MAGEA6: variants seen among roughly 807,000 people sequenced by gnomAD.
MAGEA6 encodes melanoma-associated antigen 6.
For synonymous variants in MAGEA6, 100 were observed against 98.8 expected (o/e 1.01, Z -0.07); for missense variants, 281 against 231.4 (o/e 1.21, Z -1.39).
Position 152,767,169 on chromosome X carries a change from A to G in MAGEA6, c.482T>C (p.Val161Ala). 1 of 1,210,821 alleles carries G rather than the reference A, an allele frequency of 8.3e-7. No homozygotes were observed. Among genetic ancestry groups the G allele is most frequent in the East Asian group, 3.0e-5 (1 of 33,784 alleles). Reference protein sequence around the residue: ...FSKASDSLQLVFGIELMEVDP... With the variant: ...FSKASDSLQLAFGIELMEVDP... Reference sequence around the variant, plus strand: ...CACTTCCATCAGCTCGATGCCAAAGACCAGCTGCAAGGAATCGGAAGCTTT... The same window carrying G: ...CACTTCCATCAGCTCGATGCCAAAGGCCAGCTGCAAGGAATCGGAAGCTTT... The change falls in exon 3 of 3, where the codon GTC becomes GCC. Residue 161 changes from valine to alanine, a missense_variant. Val to Ala is a moderately conservative substitution (Grantham distance 64). Coordinates refer to ENST00000329342, the MANE Select transcript of MAGEA6 (RefSeq NM_005363.5).
chrX:152,766,750 A>G lies in MAGEA6; in HGVS notation c.901T>C (p.Tyr301His), dbSNP rs1932728824. Residue 301 changes from tyrosine (Y) to histidine (H), a missense_variant, in exon 3 of 3, where the codon TAC (tyrosine) becomes CAC (histidine). Transcript: ENST00000329342. ...VKISGGPRIS[Y>H]PLLHEWALRE... ...AAAGCCCACTCATGCAGGAGTGGGTAGGAAATGCGAGGTCCTCCACTGATC... is the reference window on the plus strand; with the variant it reads ...AAAGCCCACTCATGCAGGAGTGGGTGGGAAATGCGAGGTCCTCCACTGATC... 1.7e-6 allele frequency: 2 copies of G among 1,210,482 alleles called. No individual in the cohort carries two copies. The highest frequency in any genetic ancestry group is 2.2e-6 in the Non-Finnish European group (2 of 894,621).
In MAGEA6 at chrX:152,766,953, C is replaced by T. The variant is rs1556826812; in HGVS notation, c.698G>A (p.Gly233Glu). The T allele has an allele frequency of 1.7e-6, 2 of 1,208,956 alleles. No individual in the cohort carries two copies. Among genetic ancestry groups the T allele is most frequent in the East Asian group, 5.9e-5 (2 of 33,704 alleles). The change falls in exon 3 of 3, where the codon GGG (glycine) becomes GAG (glutamate). Residue 233 changes from glycine (G) to glutamate (E), a missense_variant. Gly to Glu is a moderately conservative substitution (Grantham distance 98, BLOSUM62 -2). Transcript: ENST00000329342. ...EELSVLEVFE[G>E]REDSIFGDPK... ...ATCCCCGAAGATACTGTCTTCCCTC[C>T]CCTCAAACACCTCTAACACACTCAG...
chrX:152,766,735 C>G lies in MAGEA6; in HGVS notation c.916G>C (p.Glu306Gln). Residue 306 changes from glutamate to glutamine, a missense_variant, in exon 3 of 3, where the codon GAG (glutamate) becomes CAG (glutamine). By Grantham distance (29) the Glu-to-Gln change is conservative. Coordinates refer to ENST00000329342, the MANE Select transcript of MAGEA6 (RefSeq NM_005363.5). ...GPRISYPLLH[E>Q]WALREGEE ...TCTTCCCCCTCTCTCAAAGCCCACT[C>G]ATGCAGGAGTGGGTAGGAAATGCGA... 4.1e-6 allele frequency: 5 copies of G among 1,210,268 alleles called. No homozygotes were observed. Among genetic ancestry groups the G allele is most frequent in the Non-Finnish European group, 5.6e-6 (5 of 894,522 alleles).
chrX:152,766,694 T>A lies in MAGEA6; in HGVS notation c.*12A>T. 4 of 1,203,926 alleles carry A rather than the reference T, an allele frequency of 3.3e-6. No individual in the cohort carries two copies. Among genetic ancestry groups the A allele is most frequent in the Non-Finnish European group, 4.5e-6 (4 of 890,883 alleles). ...CCCTCCCACTGGCCCTGGCTGCAACTCGTGCTCAGACTCACTCTTCCCCCT... is the reference window on the plus strand; with the variant it reads ...CCCTCCCACTGGCCCTGGCTGCAACACGTGCTCAGACTCACTCTTCCCCCT... On this transcript the variant is annotated 3_prime_UTR_variant, in exon 3 of 3. Coordinates refer to ENST00000329342, the MANE Select transcript of MAGEA6 (RefSeq NM_005363.5).
In MAGEA6 at chrX:152,766,772, G is replaced by C; in HGVS notation, c.879C>G (p.Ile293Met). The C allele has an allele frequency of 8.3e-7, 1 of 1,210,711 alleles. No individual in the cohort carries two copies. Among genetic ancestry groups the C allele is most frequent in the East Asian group, 3.0e-5 (1 of 33,801 alleles). ...GGTAGGAAATGCGAGGTCCTCCACT[G>C]ATCTTTACCATATGGTGCAGGACTT... ...YVKVLHHMVK[I>M]SGGPRISYPL... The change falls in exon 3 of 3, where the codon ATC (isoleucine) becomes ATG (methionine). Residue 293 changes from isoleucine to methionine, a missense_variant. Transcript: ENST00000329342.
Position 152,766,717 on chromosome X carries a change from C to A in MAGEA6, c.934G>T (p.Gly312Trp). Residue 312 changes from glycine (G) to tryptophan (W), a missense_variant, in exon 3 of 3, where the codon GGG becomes TGG. By Grantham distance (184) the Gly-to-Trp change is radical (BLOSUM62 -2). Transcript: ENST00000329342. ...ACTCGTGCTCAGACTCACTCTTCCC[C>A]CTCTCTCAAAGCCCACTCATGCAGG... ...PLLHEWALRE[G>W]EE 3.3e-6 allele frequency: 4 copies of A among 1,209,427 alleles called. No individual in the cohort carries two copies. The African/African-American group carries it at 5.2e-5, about 16-fold the overall frequency.
At position 152,767,134 on chromosome X, in the gene MAGEA6, C is replaced by G; in HGVS notation, c.517G>C (p.Gly173Arg). 8.3e-7 allele frequency: 1 copy of G among 1,210,805 alleles called. No individual in the cohort carries two copies. ...GIELMEVDPI[G>R]HVYIFATCLG... Reference sequence around the variant, plus strand: ...CAGGTGGCAAAGATGTACACGTGGCCGATGGGGTCCACTTCCATCAGCTCG... The same window carrying G: ...CAGGTGGCAAAGATGTACACGTGGCGGATGGGGTCCACTTCCATCAGCTCG... The change falls in exon 3 of 3, where the codon GGC (glycine) becomes CGC (arginine). Residue 173 changes from glycine to arginine, a missense_variant. By Grantham distance (125) the Gly-to-Arg change is moderately radical (BLOSUM62 -2). Transcript: ENST00000329342.
Position 152,766,448 on chromosome X carries a change from T to C in MAGEA6, c.*258A>G. ...CAGCACTATGTGTGACTACTGTCAT[T>C]CATAAACCTGGATGCTGACGCTCAT... is the stretch of plus-strand genomic sequence containing the variant. On this transcript the variant is annotated 3_prime_UTR_variant, in exon 3 of 3. Transcript: ENST00000329342. The C allele has an allele frequency of 2.4e-6, 1 of 420,826 alleles. No individual in the cohort carries two copies. Among genetic ancestry groups the C allele is most frequent in the South Asian group, 3.4e-5 (1 of 29,077 alleles). The allele number at this position is 420,826 out of a possible 1,213,427, so 34.7% of individuals were successfully genotyped here.
rs1270759951 is a variant in MAGEA6, at chrX:152,766,641, G to C, written c.*65C>G. 1 of 1,137,614 alleles carries C rather than the reference G, an allele frequency of 8.8e-7. No individual in the cohort carries two copies. Among genetic ancestry groups the C allele is most frequent in the Non-Finnish European group, 1.2e-6 (1 of 848,446 alleles). 93.8% of individuals were successfully genotyped at this position (1,137,614 alleles called of 1,213,427 possible). Reference sequence around the variant, plus strand: ...GGAGGCAGTGGAAACTAAGGGATGGGGCCCCGGAAGGTGCACTGGCCCAAA... The same window carrying C: ...GGAGGCAGTGGAAACTAAGGGATGGCGCCCCGGAAGGTGCACTGGCCCAAA... On this transcript the variant is annotated 3_prime_UTR_variant, in exon 3 of 3. Coordinates refer to ENST00000329342, the MANE Select transcript of MAGEA6 (RefSeq NM_005363.5).
chrX:152,766,379 C>T lies in MAGEA6; in HGVS notation c.*327G>A, dbSNP rs1556827486. 82 of 353,877 alleles carry T rather than the reference C, an allele frequency of 2.3e-4. 2 individuals are homozygous for T. The highest frequency in any genetic ancestry group is 2.2e-3 in the African/African-American group (80 of 36,743). 29.2% of individuals were successfully genotyped at this position (353,877 alleles called of 1,213,427 possible). On this transcript the variant is annotated 3_prime_UTR_variant, in exon 3 of 3. Transcript: ENST00000329342. ...AATTCACAAAATGGAATGGATTTCCCAATCTGAATAAAAAACAAGACTCTT... is the reference window on the plus strand; with the variant it reads ...AATTCACAAAATGGAATGGATTTCCTAATCTGAATAAAAAACAAGACTCTT...
rs1175534047 is a variant in MAGEA6 at position 152,767,405 on chromosome X, T to C, written c.246A>G (p.Gln82=). The change falls in exon 3 of 3, where the codon CAA becomes CAG. Residue 82 remains glutamine, a synonymous_variant. Coordinates refer to ENST00000329342, the MANE Select transcript of MAGEA6 (RefSeq NM_005363.5). ...CTTGGTTGCTGGAGTCCTCATAGGA[T>C]TGGCTCCAGAGAGGGTAGTTCATGG... is the stretch of plus-strand genomic sequence containing the variant. ...PTTMNYPLWS[Q]SYEDSSNQEE... 4.2e-6 allele frequency: 5 copies of C among 1,199,580 alleles called. No homozygotes were observed. Among genetic ancestry groups the C allele is most frequent in the Non-Finnish European group, 4.5e-6 (4 of 891,173 alleles).
At position 152,766,963 on chromosome X, in the gene MAGEA6, C is replaced by A. The variant is rs148280358; in HGVS notation, c.688G>T (p.Val230Leu). Residue 230 changes from valine to leucine, a missense_variant, in exon 3 of 3, where the codon GTG becomes TTG. Transcript: ENST00000329342. ...ATACTGTCTTCCCTCCCCTCAAACA[C>A]CTCTAACACACTCAGCTCCTCCCAG... ...KIWEELSVLE[V>L]FEGREDSIFG... is the part of the protein sequence containing the mutation. The A allele has an allele frequency of 3.3e-6, 4 of 1,208,996 alleles. No homozygotes were observed. Among genetic ancestry groups the A allele is most frequent in the Non-Finnish European group, 3.4e-6 (3 of 894,462 alleles).
At position 152,767,296 on chromosome X, in the gene MAGEA6, A is replaced by T. The variant is rs1556826265; in HGVS notation, c.355T>A (p.Phe119Ile). 27 of 1,210,488 alleles carry T rather than the reference A, an allele frequency of 2.2e-5. 1 individual carries two copies. Among genetic ancestry groups the T allele is most frequent in the Non-Finnish European group, 3.0e-5 (27 of 894,605 alleles). ...LSRKVAKLVH[F>I]LLLKYRAREP... ...CTGGCTCGATACTTGAGGAGCAGAA[A>T]ATGAACCAACTTGGCCACCTTCCTA... is the stretch of plus-strand genomic sequence containing the variant. The change falls in exon 3 of 3, where the codon TTT (phenylalanine) becomes ATT (isoleucine). Residue 119 changes from phenylalanine (F) to isoleucine (I), a missense_variant. By Grantham distance (21) the Phe-to-Ile change is conservative (BLOSUM62 0). Coordinates refer to ENST00000329342, the MANE Select transcript of MAGEA6 (RefSeq NM_005363.5).
In MAGEA6 at chrX:152,766,816, T is replaced by G. The variant is rs35983118; in HGVS notation, c.835A>C (p.Ile279Leu). The change falls in exon 3 of 3, where the codon ATT (isoleucine) becomes CTT (leucine). Residue 279 changes from isoleucine (I) to leucine (L), a missense_variant. Physicochemically the swap from Ile to Leu is conservative, Grantham distance 5. Transcript: ENST00000329342. ...YEFLWGPRAL[I>L]ETSYVKVLHH... The stretch of plus-strand genomic sequence containing the variant: ...AGGACTTTCACATAGCTGGTTTCAA[T>G]GAGGGCCCTTGGACCCCACAGGAAC... 1.6e-3 allele frequency: 1,884 copies of G among 1,209,132 alleles called. 3 individuals carry two copies. Among genetic ancestry groups the G allele is most frequent in the African/African-American group, 4.6e-3 (265 of 57,174 alleles).
In MAGEA6 at chrX:152,766,847, G is replaced by A. The variant is rs35137903; in HGVS notation, c.804C>T (p.Cys268=). 74 of 1,209,316 alleles carry A rather than the reference G, an allele frequency of 6.1e-5. No individual in the cohort carries two copies. The highest frequency in any genetic ancestry group is 2.8e-4 in the African/African-American group (16 of 57,161). Residue 268 remains cysteine (C), a synonymous_variant, in exon 3 of 3, where the codon TGC becomes TGT. Transcript: ENST00000329342. Reference sequence around the variant, plus strand: ...CCCTTGGACCCCACAGGAACTCATAGCATGCAGGATCACTGCCGGGGACCT... The same window carrying A: ...CCCTTGGACCCCACAGGAACTCATAACATGCAGGATCACTGCCGGGGACCT... ...YRQVPGSDPA[C]YEFLWGPRAL...
At position 152,766,457 on chromosome X, in the gene MAGEA6, T is replaced by C. The variant is rs1196233326; in HGVS notation, c.*249A>G. 5.0e-5 allele frequency: 21 copies of C among 422,255 alleles called. No homozygotes were observed. Among genetic ancestry groups the C allele is most frequent in the South Asian group, 1.0e-4 (3 of 28,707 alleles). The allele number at this position is 422,255 out of a possible 1,213,427, so 34.8% of individuals were successfully genotyped here. On this transcript the variant is annotated 3_prime_UTR_variant, in exon 3 of 3. Transcript: ENST00000329342. ...GTGTGACTACTGTCATTCATAAACC[T>C]GGATGCTGACGCTCATTCAACCATC...
rs782278200 is a variant in MAGEA6, at chrX:152,767,341, C to T, written c.310G>A (p.Glu104Lys). Reference protein sequence around the residue: ...GPSTFPDLESEFQAALSRKVA... With the variant: ...GPSTFPDLESKFQAALSRKVA... ...TTCCTACTGAGTGCTGCTTGGAACT[C>T]AGACTCCAGGTCAGGGAAGGTGCTT... Residue 104 changes from glutamate to lysine, a missense_variant, in exon 3 of 3, where the codon GAG becomes AAG. Glu to Lys is a moderately conservative substitution (Grantham distance 56, BLOSUM62 1). Coordinates refer to ENST00000329342, the MANE Select transcript of MAGEA6 (RefSeq NM_005363.5). 8.3e-7 allele frequency: 1 copy of T among 1,207,404 alleles called. No homozygotes were observed. Among genetic ancestry groups the T allele is most frequent in the South Asian group, 1.8e-5 (1 of 56,537 alleles).
rs2124946053 is a variant in MAGEA6 at position 152,767,146 on chromosome X, C to T, written c.505G>A (p.Val169Met). Residue 169 changes from valine (V) to methionine (M), a missense_variant, in exon 3 of 3, where the codon GTG becomes ATG. By Grantham distance (21) the Val-to-Met change is conservative. Coordinates refer to ENST00000329342, the MANE Select transcript of MAGEA6 (RefSeq NM_005363.5). Reference sequence around the variant, plus strand: ...ATGTACACGTGGCCGATGGGGTCCACTTCCATCAGCTCGATGCCAAAGACC... The same window carrying T: ...ATGTACACGTGGCCGATGGGGTCCATTTCCATCAGCTCGATGCCAAAGACC... ...QLVFGIELME[V>M]DPIGHVYIFA... 3.3e-6 allele frequency: 4 copies of T among 1,211,011 alleles called. No individual in the cohort carries two copies. The highest frequency in any genetic ancestry group is 4.3e-5 in the Admixed American group (2 of 46,036).
At position 152,766,582 on chromosome X, in the gene MAGEA6, G is replaced by A. The variant is rs1375591122; in HGVS notation, c.*124C>T. 24 of 656,704 alleles carry A rather than the reference G, an allele frequency of 3.7e-5. No homozygotes were observed. In the African/African-American group the frequency reaches 4.5e-4, roughly 12 times the overall value. 54.1% of individuals were successfully genotyped at this position (656,704 alleles called of 1,213,427 possible). On this transcript the variant is annotated 3_prime_UTR_variant, in exon 3 of 3. Coordinates refer to ENST00000329342, the MANE Select transcript of MAGEA6 (RefSeq NM_005363.5). ...CCACTACTAAGAATGCTGACTGCTC[G>A]CTTCAAAGAGTGAAGAATGGGCCTC...
Sources: allele counts gnomAD v4.1 joint callset, GRCh38; gene constraint gnomAD v4.1.1; transcripts MANE v1.5; gene names NCBI Gene and HGNC (gene_info 2026-07-23, HGNC 2026-07-21).